Variants in PAX5 observed in about 807,000 individuals in gnomAD.
PAX5 encodes paired box 5.
Under a neutral mutation model 43.7 loss-of-function variants are expected in PAX5, and 9 were observed. That is an observed-to-expected ratio of 0.21 (90% confidence interval 0.12 to 0.36). The LOEUF (loss-of-function observed/expected upper bound fraction) is 0.36. Ranked by LOEUF, PAX5 falls within the 10% of genes least tolerant of loss-of-function variation. The pLI, the probability that PAX5 is intolerant of heterozygous loss-of-function variation, is 1.00. For synonymous variants in PAX5, 228 were observed against 214.3 expected (o/e 1.06, Z -0.56); for missense variants, 383 against 532.7 (o/e 0.72, Z 2.77).
intron 5 of PAX5, among the ~76,000 whole-genome samples, chr9:36,980,593 A>G (rs1835827640): frequency 6.6e-6 from 1 of 151,932 alleles, no homozygotes; most frequent in Non-Finnish European, 1.5e-5. Flanking sequence ...TACATTCACA[A>G]TTCCAGACAC....
At chr9:36,927,233 G>A (rs1830715871) in intron 6 of PAX5, among the ~76,000 whole-genome samples, 2 of 152,180 alleles carry the variant, frequency 1.3e-5, no homozygotes, top group Non-Finnish European at 1.5e-5. Flanking sequence ...CCCCTCCCCA[G>A]CCCACCCTGG....
chr9:36,885,483 A>G (rs1278997434), intron 7 of PAX5, among the ~76,000 whole-genome samples: 1 of 152,224 alleles, frequency 6.6e-6, no homozygotes, highest in African/African-American at 2.4e-5. Context: ...AGGCACACAC[A>G]TTCTCACTTA....
chr9:36,851,676 A>G (rs1472896990), intron 8 of PAX5, among the ~76,000 whole-genome samples: 1 of 152,210 alleles, frequency 6.6e-6, no homozygotes, highest in African/African-American at 2.4e-5. Context: ...TGTTGGGATT[A>G]TTGGAATCAG....
At chr9:36,984,517 T>G (rs1836231390) in intron 5 of PAX5, among the ~76,000 whole-genome samples, 1 of 141,706 alleles carries the variant, frequency 7.1e-6, no homozygotes, top group Non-Finnish European at 1.5e-5. Context: ...CTCGGCTCAC[T>G]GCAACCTCCA....
chr9:36,987,063 A>G (rs1370430785), intron 5 of PAX5, among the ~76,000 whole-genome samples: 5 of 152,194 alleles, frequency 3.3e-5, no homozygotes, highest in African/African-American at 1.2e-4. Flanking sequence ...TCCGAAGCAG[A>G]TACTGTTACT....
intron 8 of PAX5, among the ~76,000 whole-genome samples, chr9:36,863,240 T>C (rs1276296517): frequency 6.6e-6 from 1 of 152,084 alleles, no homozygotes; most frequent in African/African-American, 2.4e-5. Flanking sequence ...CCGCCTGGGT[T>C]CTTTTTTTCA....
intron 5 of PAX5, among the ~76,000 whole-genome samples, chr9:37,001,872 C>A (rs1348808675): frequency 8.4e-6 from 1 of 118,956 alleles, no homozygotes; most frequent in African/African-American, 3.3e-5. Flanking sequence ...CCCAGGGGGT[C>A]TTTTCTCCTC....
intron 5 of PAX5, among the ~76,000 whole-genome samples, chr9:36,967,601 T>C (rs1834556420): frequency 6.6e-6 from 1 of 152,262 alleles, no homozygotes; most frequent in East Asian, 1.9e-4. Context: ...CAGCACAGCA[T>C]GTATAATGTA....
At chr9:36,903,635 T>C (rs765053919) in intron 7 of PAX5, among the ~76,000 whole-genome samples, 3 of 152,190 alleles carry the variant, frequency 2.0e-5, no homozygotes, top group Non-Finnish European at 2.9e-5. Flanking sequence ...GGAGCAATCA[T>C]ACCTGCTGTG....
chr9:36,955,782 A>ATAT (rs1491208119), intron 6 of PAX5, among the ~76,000 whole-genome samples: 1 of 132,524 alleles, frequency 7.5e-6, no homozygotes, highest in African/African-American at 3.1e-5. Flanking sequence ...AAAAAAAAAA[A>ATAT]ATATATATAT....
chr9:36,976,104 T>A (rs1379638086), intron 5 of PAX5, among the ~76,000 whole-genome samples: 2 of 152,276 alleles, frequency 1.3e-5, no homozygotes, highest in Non-Finnish European at 2.9e-5. Flanking sequence ...TAAGAGTTTA[T>A]GTCTCGCCTA....
At chr9:36,926,228 A>G (rs1830630786) in intron 6 of PAX5, among the ~76,000 whole-genome samples, 1 of 152,130 alleles carries the variant, frequency 6.6e-6, no homozygotes, top group East Asian at 1.9e-4. Context: ...AATGATCTTT[A>G]TACTCTCAGT....
chr9:36,874,444 T>C (rs1825742276), intron 8 of PAX5, among the ~76,000 whole-genome samples: 1 of 151,796 alleles, frequency 6.6e-6, no homozygotes, highest in South Asian at 2.1e-4. Flanking sequence ...CTCAACAGGC[T>C]CCCCTCCCTG....
chr9:36,871,577 C>T (rs985983992), intron 8 of PAX5, among the ~76,000 whole-genome samples: 5 of 152,210 alleles, frequency 3.3e-5, no homozygotes, highest in Non-Finnish European at 5.9e-5. Context: ...CCTAAAAAGC[C>T]ATCACAGCCC....
At chr9:36,863,981 T>C (rs113328974) in intron 8 of PAX5, among the ~76,000 whole-genome samples, 3,874 of 152,284 alleles carry the variant, frequency 0.025, 60 homozygotes, top group Non-Finnish European at 0.035. Flanking sequence ...TGGTGGCATG[T>C]GCCTGTAGTC....
intron 5 of PAX5, among the ~76,000 whole-genome samples, chr9:36,972,676 G>A (rs1405004074): frequency 6.6e-6 from 1 of 152,180 alleles, no homozygotes; most frequent in Non-Finnish European, 1.5e-5. Context: ...GGGAAAGTCA[G>A]AGACAGGAAT....
chr9:36,928,922 G>A (rs187484297), intron 6 of PAX5, among the ~76,000 whole-genome samples: 4 of 152,214 alleles, frequency 2.6e-5, no homozygotes, highest in African/African-American at 9.6e-5. Flanking sequence ...GTTTCCCCTG[G>A]TGAGTCATTA....
At chr9:36,941,850 C>T (rs1319434090) in intron 6 of PAX5, among the ~76,000 whole-genome samples, 2 of 152,202 alleles carry the variant, frequency 1.3e-5, no homozygotes, top group Non-Finnish European at 2.9e-5. Context: ...ATGAGACTCA[C>T]ACCAGGCTCA....
At chr9:36,907,936 T>C (rs1828955117) in intron 7 of PAX5, among the ~76,000 whole-genome samples, 1 of 152,148 alleles carries the variant, frequency 6.6e-6, no homozygotes, top group Non-Finnish European at 1.5e-5. Context: ...TACTTTGCAA[T>C]TAAAAAGGAA....
Sources: gnomAD v4.1 joint callset for allele counts (sites outside exome capture counted in the v4.1 genomes callset) on GRCh38, gnomAD v4.1.1 for gene constraint, MANE v1.5 for transcripts, NCBI Gene and HGNC (gene_info 2026-07-23, HGNC 2026-07-21) for gene names.